The following SEMA3E variants were observed in gnomAD, a reference collection of about 807,000 sequenced individuals.
SEMA3E encodes semaphorin 3E.
Under a neutral mutation model 93.6 loss-of-function variants are expected in SEMA3E, and 49 were observed. The observed-to-expected ratio is 0.52, with a 90% confidence interval of 0.42 to 0.66. The LOEUF (loss-of-function observed/expected upper bound fraction) is 0.66. Ranked by LOEUF, SEMA3E falls within the 30% of genes least tolerant of loss-of-function variation. The probability of loss-of-function intolerance (pLI) is 0.00; values close to 1 mark genes in which losing one functional copy is unlikely to be tolerated. For missense variants in SEMA3E, 906 were observed against 964.8 expected (o/e 0.94, Z 0.81); for synonymous variants, 363 against 330.7 (o/e 1.10, Z -1.06).
chr7:83,407,619 A>G (rs770377759), intron 6 of SEMA3E, among the ~76,000 whole-genome samples: 1 of 152,164 alleles, frequency 6.6e-6, no homozygotes, highest in Non-Finnish European at 1.5e-5. Context: ...ATGTAAGTAT[A>G]AGTAACATAT....
intron 1 of SEMA3E, among the ~76,000 whole-genome samples, chr7:83,529,595 T>G (rs1048565273): frequency 6.6e-6 from 1 of 152,124 alleles, no homozygotes; most frequent in African/African-American, 2.4e-5. Context: ...AAGAGTTAGA[T>G]CATTCATACT....
chr7:83,437,918 A>C (rs1316074058), intron 4 of SEMA3E, among the ~76,000 whole-genome samples: 1 of 152,186 alleles, frequency 6.6e-6, no homozygotes, highest in Admixed American at 6.5e-5. Context: ...ACTTGTTCAT[A>C]ATAAGGATAA....
intron 2 of SEMA3E, among the ~76,000 whole-genome samples, chr7:83,486,448 A>G (rs1236562682): frequency 6.6e-6 from 1 of 152,152 alleles, no homozygotes; most frequent in East Asian, 1.9e-4. Context: ...TCAGGAAAAA[A>G]TTGAGACAGT....
At chr7:83,461,888 G>A (rs371181755) in intron 4 of SEMA3E, among the ~76,000 whole-genome samples, 4 of 152,270 alleles carry the variant, frequency 2.6e-5, no homozygotes, top group African/African-American at 7.2e-5. Context: ...CGCCTGAACC[G>A]CAGCAGCCAG....
At chr7:83,481,514 A>T (rs1790145536) in intron 2 of SEMA3E, among the ~76,000 whole-genome samples, 1 of 152,178 alleles carries the variant, frequency 6.6e-6, no homozygotes, top group Non-Finnish European at 1.5e-5. Context: ...AAATGCAAAA[A>T]CTATTCTCTT....
intron 4 of SEMA3E, among the ~76,000 whole-genome samples, chr7:83,427,747 A>G (rs992467511): frequency 7.2e-5 from 11 of 152,170 alleles, no homozygotes; most frequent in African/African-American, 2.7e-4. Flanking sequence ...GAATTCAGCA[A>G]CCAAATCAAC....
In SEMA3E at chr7:83,454,994, A is replaced by G. The variant is rs79742607; in HGVS notation, c.456+11488T>C. Reference sequence around the variant, plus strand: ...TTTTCAGAGAGATTTGTACTCTCAGAGGTATATGTATAACCCTTATGATTT... The same window carrying G: ...TTTTCAGAGAGATTTGTACTCTCAGGGGTATATGTATAACCCTTATGATTT... On this transcript the variant is annotated intron_variant, in intron 4 of 16. Coordinates refer to ENST00000643230, the MANE Select transcript of SEMA3E (RefSeq NM_012431.3). 4.2e-3 allele frequency among the ~76,000 whole-genome samples: 627 copies of G among 150,944 alleles called. 6 individuals carry two copies. The highest frequency in any genetic ancestry group is 0.014 in the African/African-American group (568 of 41,352).
At chr7:83,429,279 A>G (rs1382381655) in intron 4 of SEMA3E, among the ~76,000 whole-genome samples, 1 of 152,132 alleles carries the variant, frequency 6.6e-6, no homozygotes, top group Non-Finnish European at 1.5e-5. Context: ...GCTTGAAGCT[A>G]TATTTGAAGG....
chr7:83,389,691 TATAC>T (rs1189611575), intron 14 of SEMA3E, among the ~76,000 whole-genome samples: 2 of 150,786 alleles, frequency 1.3e-5, no homozygotes, highest in African/African-American at 4.9e-5. Flanking sequence ...ATATTACATG[TATAC>T]ATACACACAT....
chr7:83,555,450 T>C (rs1554337748), intron 1 of SEMA3E, among the ~76,000 whole-genome samples: 2 of 152,190 alleles, frequency 1.3e-5, no homozygotes, highest in Non-Finnish European at 2.9e-5. Flanking sequence ...ACCATAAAGA[T>C]AAAAGCATGT....
intron 4 of SEMA3E, among the ~76,000 whole-genome samples, chr7:83,442,719 T>C (rs553303207): frequency 5.6e-4 from 86 of 152,274 alleles, no homozygotes; most frequent in African/African-American, 1.9e-3. Flanking sequence ...GACCATCCTC[T>C]ACATCATGTA....
chr7:83,430,246 C>G (rs1405862608), intron 4 of SEMA3E, among the ~76,000 whole-genome samples: 1 of 152,102 alleles, frequency 6.6e-6, no homozygotes, highest in African/African-American at 2.4e-5. Flanking sequence ...GGGTGGATCA[C>G]TTGAGGCCAG....
rs142537018 is a variant in SEMA3E, at chr7:83,440,441, A to G, written c.457-21958T>C. On this transcript the variant is annotated intron_variant, in intron 4 of 16. Coordinates refer to ENST00000643230, the MANE Select transcript of SEMA3E (RefSeq NM_012431.3). ...CTGTCTGTGGGGTATTGTGATAAGC[A>G]TATTTCTTACTTGTTTATTGTGTTG... Among the ~76,000 whole-genome samples the G allele has an allele frequency of 3.0e-3, 453 of 152,264 alleles. 1 individual carries two copies. Among genetic ancestry groups the G allele is most frequent in the African/African-American group, 0.01 (418 of 41,544 alleles).
At chr7:83,582,677 G>A (rs1013364601) in intron 1 of SEMA3E, among the ~76,000 whole-genome samples, 1 of 152,072 alleles carries the variant, frequency 6.6e-6, no homozygotes, top group Admixed American at 6.6e-5. Context: ...GCAGATGCCG[G>A]AGGAATTAAA....
chr7:83,469,351 A>G (rs754062365), intron 2 of SEMA3E, 49 bp from the exon 3 acceptor site: 19 of 1,316,858 alleles, frequency 1.4e-5, no homozygotes, highest in South Asian at 2.4e-5. Flanking sequence ...ATAAAAATAA[A>G]CCACACTGAA....
intron 4 of SEMA3E, among the ~76,000 whole-genome samples, chr7:83,451,176 C>T (rs949249568): frequency 6.6e-6 from 1 of 152,126 alleles, no homozygotes; most frequent in East Asian, 1.9e-4. Flanking sequence ...TGTAAGTTTC[C>T]TGAGGCTTCC....
At chr7:83,539,897 T>TGTGTG (rs1554336409) in intron 1 of SEMA3E, among the ~76,000 whole-genome samples, 7 of 18,742 alleles carry the variant, frequency 3.7e-4, no homozygotes, top group African/African-American at 7.8e-4. Flanking sequence ...GTGTGTGTGT[T>TGTGTG]TGAAGTGGAG....
At chr7:83,588,016 T>C (rs1265985463) in intron 1 of SEMA3E, among the ~76,000 whole-genome samples, 3 of 152,192 alleles carry the variant, frequency 2.0e-5, no homozygotes, top group Non-Finnish European at 4.4e-5. Flanking sequence ...ATATTTATAC[T>C]AATAATCTTT....
intron 1 of SEMA3E, among the ~76,000 whole-genome samples, chr7:83,638,981 G>A (rs1793936589): frequency 6.7e-6 from 1 of 149,952 alleles, no homozygotes; most frequent in African/African-American, 2.4e-5. Context: ...CGTAGTGGCG[G>A]GCGCCTGTAG....
Sources: gnomAD v4.1 joint callset for allele counts (sites outside exome capture counted in the v4.1 genomes callset) on GRCh38, gnomAD v4.1.1 for gene constraint, MANE v1.5 for transcripts, NCBI Gene and HGNC (gene_info 2026-07-23, HGNC 2026-07-21) for gene names.